Variants in MYO1B observed in about 807,000 individuals in gnomAD.
The protein encoded by MYO1B is myosin IB.
Under a neutral mutation model 159.7 loss-of-function variants are expected in MYO1B, and 72 were observed. The observed-to-expected ratio is 0.45, with a 90% confidence interval of 0.37 to 0.55. The LOEUF (loss-of-function observed/expected upper bound fraction) is 0.55, where lower values mean the gene tolerates loss of function less well. Among genes scored for constraint, MYO1B ranks in the 20% least tolerant of loss-of-function variants. MYO1B has a pLI of 0.00. For missense variants in MYO1B, 1,062 were observed against 1,364.8 expected (o/e 0.78, Z 3.50); for synonymous variants, 468 against 473.8 (o/e 0.99, Z 0.16).
At chr2:191,408,769 A>G (rs1010994571) in intron 25 of MYO1B, among the ~76,000 whole-genome samples, 1 of 152,212 alleles carries the variant, frequency 6.6e-6, no homozygotes, top group African/African-American at 2.4e-5. Context: ...ATTTTAGACA[A>G]TACAGCTCTA....
intron 15 of MYO1B, among the ~76,000 whole-genome samples, chr2:191,384,997 C>T (rs565628207): frequency 6.6e-5 from 10 of 152,118 alleles, no homozygotes; most frequent in Admixed American, 5.9e-4. Flanking sequence ...CAGAGGATGT[C>T]GTGGCCTTGT....
chr2:191,372,847 T>C (rs1694446245), intron 13 of MYO1B, among the ~76,000 whole-genome samples: 2 of 151,432 alleles, frequency 1.3e-5, no homozygotes, highest in African/African-American at 2.4e-5. Flanking sequence ...AACTAGAGAC[T>C]TCAGTTTATG....
intron 11 of MYO1B, among the ~76,000 whole-genome samples, chr2:191,367,144 C>T (rs1237968579): frequency 6.6e-6 from 1 of 151,614 alleles, no homozygotes; most frequent in African/African-American, 2.4e-5. Context: ...AATTAGTGCA[C>T]TTTGAGTCTT....
chr2:191,409,908 C>T lies in MYO1B; in HGVS notation c.2766+730C>T, dbSNP rs556273800. Among the ~76,000 whole-genome samples the T allele has an allele frequency of 4.6e-5, 7 of 152,268 alleles. No individual in the cohort carries two copies. In the East Asian group the frequency reaches 1.4e-3, roughly 29 times the overall value. ...GTAATAAAATCATGAGATGGAAGGG[C>T]ATGTATTTAGTAAATGAATGCTCAG... On this transcript the variant is annotated intron_variant, in intron 26 of 30. Transcript: ENST00000392318.
At position 191,333,701 on chromosome 2, in the gene MYO1B, C is replaced by T. The variant is rs578090826; in HGVS notation, c.346+3672C>T. Among the ~76,000 whole-genome samples the T allele has an allele frequency of 1.1e-4, 17 of 152,226 alleles. No individual in the cohort carries two copies. The East Asian group carries it at 3.1e-3, about 28-fold the overall frequency. ...TGCTTGTTCAAATCTCTCTCTCTCT[C>T]TTTATCTCTCTCTGTCTCTGCCTCT... On this transcript the variant is annotated intron_variant, in intron 4 of 30. Coordinates refer to ENST00000392318, the MANE Select transcript of MYO1B (RefSeq NM_001130158.3).
intron 1 of MYO1B, among the ~76,000 whole-genome samples, chr2:191,259,459 A>G (rs1445296324): frequency 6.6e-6 from 1 of 152,218 alleles, no homozygotes; most frequent in Non-Finnish European, 1.5e-5. Context: ...GATCATAATC[A>G]TAGAGTACAT....
chr2:191,285,988 A>G (rs549570257), intron 2 of MYO1B, among the ~76,000 whole-genome samples: 17 of 152,240 alleles, frequency 1.1e-4, no homozygotes, highest in Non-Finnish European at 1.8e-4. Context: ...TCTCCGTCCT[A>G]TTGTCATAGT....
At chr2:191,396,616 ACAGT>A in intron 21 of MYO1B, 119 bp downstream of exon 21, 1 of 925,380 alleles carries the variant, frequency 1.1e-6, no homozygotes, top group East Asian at 2.5e-5. Flanking sequence ...TCGCCTGTAA[ACAGT>A]CAGATGGAAA....
intron 1 of MYO1B, among the ~76,000 whole-genome samples, chr2:191,258,092 G>A (rs189568903): frequency 1.6e-4 from 25 of 152,248 alleles, no homozygotes; most frequent in Non-Finnish European, 1.5e-4. Context: ...TACATTCTGT[G>A]AAGTGTGTCA....
chr2:191,392,071 C>T (rs1255766593), intron 18 of MYO1B, 37 bp from the exon 19 acceptor site: 4 of 1,496,810 alleles, frequency 2.7e-6, no homozygotes, highest in Non-Finnish European at 3.7e-6. Flanking sequence ...ATTTTTGTAA[C>T]TCAGAAAACT....
At chr2:191,246,911 C>CT (rs1344416102) in intron 1 of MYO1B, among the ~76,000 whole-genome samples, 2 of 152,134 alleles carry the variant, frequency 1.3e-5, no homozygotes, top group African/African-American at 4.8e-5. Context: ...GTGTTCTGTG[C>CT]TTTCACTCTC....
rs181976972 is a variant in MYO1B, at chr2:191,287,644, T to G, written c.136-8467T>G. On this transcript the variant is annotated intron_variant, in intron 2 of 30. Transcript: ENST00000392318. ...TTTGGAGCCAAGACTTACACAATAT[T>G]TCAAATACATTGAAGAATTATTATT... is the stretch of plus-strand genomic sequence containing the variant. Among the ~76,000 whole-genome samples the G allele has an allele frequency of 3.9e-3, 593 of 152,288 alleles. 4 individuals are homozygous for G. Among genetic ancestry groups the G allele is most frequent in the African/African-American group, 0.014 (568 of 41,550 alleles).
intron 6 of MYO1B, among the ~76,000 whole-genome samples, chr2:191,349,197 G>A (rs1692760959): frequency 6.6e-6 from 1 of 152,196 alleles, no homozygotes; most frequent in African/African-American, 2.4e-5. Context: ...CAGCTTTAAG[G>A]AAATGGTTGA....
chr2:191,328,049 C>T (rs1262622990), intron 3 of MYO1B, among the ~76,000 whole-genome samples: 3 of 152,160 alleles, frequency 2.0e-5, no homozygotes, highest in Non-Finnish European at 4.4e-5. Context: ...ATGTGATTCA[C>T]AGTATTTCTG....
At chr2:191,343,215 T>G (rs10184448) in intron 5 of MYO1B, among the ~76,000 whole-genome samples, 13,774 of 152,214 alleles carry the variant, frequency 0.09, 2,043 homozygotes, top group African/African-American at 0.31. Flanking sequence ...AAACTTTTGG[T>G]TCAAGTCATA....
intron 3 of MYO1B, among the ~76,000 whole-genome samples, chr2:191,313,198 T>TTTTTG (rs1690123072): frequency 3.5e-5 from 1 of 28,344 alleles, no homozygotes; most frequent in Non-Finnish European, 9.5e-5. Context: ...ATGGCTTTTT[T>TTTTTG]TTTTTTTTTT....
At chr2:191,391,506 C>T (rs1695748861) in intron 18 of MYO1B, among the ~76,000 whole-genome samples, 1 of 152,010 alleles carries the variant, frequency 6.6e-6, no homozygotes, top group Non-Finnish European at 1.5e-5. Context: ...TAAACAGGTA[C>T]CATAATACAG....
Position 191,363,969 on chromosome 2 carries a change from A to G in MYO1B, c.913+94A>G, listed in dbSNP as rs1693839639. 4.0e-6 allele frequency: 6 copies of G among 1,506,972 alleles called. No individual in the cohort carries two copies. In the East Asian group the frequency reaches 1.4e-4, roughly 34 times the overall value. The allele number at this position is 1,506,972 out of a possible 1,614,324, so 93.4% of individuals were successfully genotyped here. On this transcript the variant is annotated intron_variant, in intron 10 of 30. Transcript: ENST00000392318. ...GTAGAAAGTAAAATTTTTGCTTTGC[A>G]TTGGTTTGAGAAAGCTTTCTAATGA...
Position 191,414,611 on chromosome 2 carries a change from TGACCAAG to T in MYO1B, c.3103_3109del (p.Thr1035TyrfsTer3). 6.2e-7 allele frequency: 1 copy of T among 1,613,794 alleles called. No homozygotes were observed. The highest frequency in any genetic ancestry group is 1.7e-5 in the Admixed American group (1 of 59,966). On this transcript the variant is annotated frameshift_variant, in exon 29 of 31. Transcript: ENST00000392318. LOFTEE classifies it high-confidence loss of function. ...AAGTCAGAGGTTCCATTGGTGGATG[TGACCAAG>T]GTATCAATGAGCTCACAAAATGATG...
Sources: allele counts gnomAD v4.1 joint callset (sites outside exome capture counted in the v4.1 genomes callset), GRCh38; gene constraint gnomAD v4.1.1; transcripts MANE v1.5; gene names NCBI Gene and HGNC (gene_info 2026-07-23, HGNC 2026-07-21).